Variants in SLC4A10 observed in about 807,000 individuals in gnomAD.
SLC4A10 encodes the protein solute carrier family 4 member 10, also known as sodium-driven chloride bicarbonate exchanger.
SLC4A10 carries 42 observed loss-of-function variants against 137.7 expected under a neutral mutation model. The ratio of observed to expected loss-of-function variants is 0.30; its 90% CI spans 0.24 to 0.39. SLC4A10 has a LOEUF of 0.39. SLC4A10 is among the 10% of genes least tolerant of loss of function. The pLI, the probability that SLC4A10 is intolerant of heterozygous loss-of-function variation, is 1.00. For missense variants in SLC4A10, 925 were observed against 1,355.0 expected (o/e 0.68, Z 4.98); for synonymous variants, 474 against 464.1 (o/e 1.02, Z -0.27).
intron 1 of SLC4A10, among the ~76,000 whole-genome samples, chr2:161,707,463 CT>C (rs202011270): frequency 0.01 from 1,434 of 141,056 alleles, 31 homozygotes; most frequent in Admixed American, 0.065. Flanking sequence ...TAATCTTAGT[CT>C]TTTTTTTTTT....
chr2:161,926,990 C>T (rs1433699377), intron 15 of SLC4A10, among the ~76,000 whole-genome samples: 2 of 152,094 alleles, frequency 1.3e-5, no homozygotes, highest in Non-Finnish European at 2.9e-5. Flanking sequence ...CTGCCCTTAA[C>T]ATTTTTTCCT....
chr2:161,982,666 G>A (rs1700374509), intron 26 of SLC4A10, among the ~76,000 whole-genome samples: 1 of 152,164 alleles, frequency 6.6e-6, no homozygotes, highest in African/African-American at 2.4e-5. Flanking sequence ...ATGGTAACCT[G>A]TCCTCCAGGC....
chr2:161,814,274 A>T (rs1290262511), intron 3 of SLC4A10, among the ~76,000 whole-genome samples: 1 of 152,180 alleles, frequency 6.6e-6, no homozygotes, highest in Non-Finnish European at 1.5e-5. Context: ...AAGTTAAAAA[A>T]TAACAGATTC....
chr2:161,646,145 G>T, intron 1 of SLC4A10, among the ~76,000 whole-genome samples: 1 of 151,990 alleles, frequency 6.6e-6, no homozygotes, highest in South Asian at 2.1e-4. Context: ...GTTATTTCAT[G>T]ATCTATTTGT....
intron 1 of SLC4A10, among the ~76,000 whole-genome samples, chr2:161,713,410 G>T (rs1342761145): frequency 6.6e-6 from 1 of 151,706 alleles, no homozygotes; most frequent in Non-Finnish European, 1.5e-5. Flanking sequence ...CAAGGTAGGG[G>T]GTAGAAACAA....
intron 1 of SLC4A10, among the ~76,000 whole-genome samples, chr2:161,693,020 G>A (rs891168774): frequency 2.6e-5 from 4 of 151,972 alleles, no homozygotes; most frequent in South Asian, 4.1e-4. Context: ...AGTGTTTCAC[G>A]GATGATTGCC....
chr2:161,851,049 T>C (rs1016082694), intron 4 of SLC4A10, among the ~76,000 whole-genome samples: 5 of 152,222 alleles, frequency 3.3e-5, no homozygotes, highest in African/African-American at 7.2e-5. Context: ...TGATTTATAT[T>C]TTTACTGCAT....
intron 14 of SLC4A10, among the ~76,000 whole-genome samples, 176 bp from the exon 15 acceptor site, chr2:161,905,466 G>C (rs116554608): frequency 3.5e-4 from 53 of 152,312 alleles, no homozygotes; most frequent in African/African-American, 1.3e-3. Context: ...TTCATAACAG[G>C]CCATGGACCA....
chr2:161,961,253 A>G (rs1421588739), intron 21 of SLC4A10, among the ~76,000 whole-genome samples: 1 of 152,192 alleles, frequency 6.6e-6, no homozygotes, highest in African/African-American at 2.4e-5. Context: ...AGCAGAACTT[A>G]GGCCTTAAGA....
chr2:161,881,244 G>A (rs552380101), intron 9 of SLC4A10, among the ~76,000 whole-genome samples: 28 of 152,048 alleles, frequency 1.8e-4, no homozygotes, highest in Non-Finnish European at 3.7e-4. Flanking sequence ...AATAGCCCAT[G>A]GAATGGAAAC....
chr2:161,948,530 T>C (rs1175023972), intron 17 of SLC4A10, among the ~76,000 whole-genome samples: 1 of 152,128 alleles, frequency 6.6e-6, no homozygotes, highest in Non-Finnish European at 1.5e-5. Flanking sequence ...CATAAAGGCA[T>C]CTTAAAATAA....
In SLC4A10 at chr2:161,935,846, G is replaced by A. The variant is rs569681962; in HGVS notation, c.1998-6946G>A. Among the ~76,000 whole-genome samples the A allele has an allele frequency of 5.3e-5, 8 of 152,146 alleles. No individual in the cohort carries two copies. The East Asian group carries it at 9.7e-4, about 18-fold the overall frequency. On this transcript the variant is annotated intron_variant, in intron 15 of 26. Transcript: ENST00000446997. The stretch of plus-strand genomic sequence containing the variant: ...TGTTGACTAAAAGTGGCAAGAGTAG[G>A]CATTCTTGTCTTATTCCTGATCTTG...
chr2:161,925,046 C>A (rs978535466), intron 15 of SLC4A10, among the ~76,000 whole-genome samples: 7 of 152,126 alleles, frequency 4.6e-5, no homozygotes, highest in Non-Finnish European at 1.0e-4. Flanking sequence ...GCAAACTACA[C>A]GGTGAAATGT....
At position 161,879,155 on chromosome 2, in the gene SLC4A10, A is replaced by T; in HGVS notation, c.973A>T (p.Ile325Phe). Residue 325 changes from isoleucine to phenylalanine, a missense_variant, in exon 9 of 27, where the codon ATT becomes TTT. This residue lies in a region of SLC4A10 where 277 missense variants were observed against 306.1 expected (regional missense o/e 0.90). Transcript: ENST00000446997. ...REVDLHFMKKIPPGAEASNIL... is the reference protein window; with the variant it reads ...REVDLHFMKKFPPGAEASNIL... ...GGTTGATCTGCATTTTATGAAAAAGATTCCTCCAGGTGCTGAAGCATCGAA... is the reference window on the plus strand; with the variant it reads ...GGTTGATCTGCATTTTATGAAAAAGTTTCCTCCAGGTGCTGAAGCATCGAA... 2 of 1,613,186 alleles carry T rather than the reference A, an allele frequency of 1.2e-6. No homozygotes were observed. The highest frequency in any genetic ancestry group is 1.1e-5 in the South Asian group (1 of 90,994).
intron 2 of SLC4A10, among the ~76,000 whole-genome samples, chr2:161,797,748 T>G (rs1385088744): frequency 1.3e-5 from 2 of 152,076 alleles, no homozygotes; most frequent in Non-Finnish European, 2.9e-5. Flanking sequence ...GACACAAAGT[T>G]AATTTAGTTG....
chr2:161,964,101 A>G, intron 21 of SLC4A10, 34 bp from the exon 22 acceptor site: 1 of 1,535,270 alleles, frequency 6.5e-7, no homozygotes, highest in Non-Finnish European at 8.8e-7. Context: ...GTTGTCTTAC[A>G]CCTAAAAACA....
In SLC4A10 at chr2:161,725,277, C is replaced by G. The variant is rs375128975; in HGVS notation, c.49-45696C>G. On this transcript the variant is annotated intron_variant, in intron 1 of 26. Transcript: ENST00000446997. ...AGAAGCATTGACCTGTCTTCAAACT[C>G]TTTCCACTTTTTGTAGCTGAGTGGT... Among the ~76,000 whole-genome samples, 203 of 152,272 alleles carry G rather than the reference C, an allele frequency of 1.3e-3. 4 individuals carry two copies. In the South Asian group the frequency reaches 0.04, roughly 30 times the overall value.
chr2:161,635,035 A>G (rs991785519), intron 1 of SLC4A10, among the ~76,000 whole-genome samples: 3 of 152,144 alleles, frequency 2.0e-5, no homozygotes, highest in African/African-American at 7.2e-5. Flanking sequence ...ATCAAGTTCA[A>G]GACACTTTTG....
chr2:161,842,973 G>T lies in SLC4A10; in HGVS notation c.416+3046G>T, dbSNP rs2059276688. On this transcript the variant is annotated intron_variant, in intron 4 of 26. Transcript: ENST00000446997. Reference sequence around the variant, plus strand: ...AGGAAGGCGATCTGGTGATTGTGATGACTAGACAGCTCTGGTTAGTTAGAG... The same window carrying T: ...AGGAAGGCGATCTGGTGATTGTGATTACTAGACAGCTCTGGTTAGTTAGAG... 2.0e-5 allele frequency among the ~76,000 whole-genome samples: 3 copies of T among 152,288 alleles called. No individual in the cohort carries two copies. The South Asian group carries it at 6.2e-4, about 32-fold the overall frequency.
Sources: gnomAD v4.1 joint callset for allele counts (sites outside exome capture counted in the v4.1 genomes callset) on GRCh38, gnomAD v4.1.1 for gene constraint, gnomAD v4.1.1 regional missense constraint, MANE v1.5 for transcripts, NCBI Gene and HGNC (gene_info 2026-07-23, HGNC 2026-07-21) for gene names.